ATP6V0D1: variants seen among roughly 807,000 people sequenced by gnomAD.
The protein encoded by ATP6V0D1 is V-type proton ATPase subunit d 1.
In ATP6V0D1, 13 loss-of-function variants were observed where a neutral mutation model predicts 39.0. The ratio of observed to expected loss-of-function variants is 0.33; its 90% CI spans 0.22 to 0.53. ATP6V0D1 has a LOEUF of 0.53. Ranked by LOEUF, ATP6V0D1 falls within the 20% of genes least tolerant of loss-of-function variation. The pLI is 0.94. For synonymous variants in ATP6V0D1, 191 were observed against 191.2 expected (o/e 1.00, Z 0.01); for missense variants, 272 against 470.9 (o/e 0.58, Z 3.91).
chr16:67,471,075 C>T (rs1174317861), intron 1 of ATP6V0D1, among the ~76,000 whole-genome samples: 2 of 152,086 alleles, frequency 1.3e-5, no homozygotes, highest in Admixed American at 1.3e-4. Context: ...TTATAATTGA[C>T]GTGTAACAAT....
chr16:67,475,258 C>T (rs1266604500), intron 1 of ATP6V0D1, among the ~76,000 whole-genome samples: 1 of 152,236 alleles, frequency 6.6e-6, no homozygotes, highest in African/African-American at 2.4e-5. Flanking sequence ...TGCTAAACGA[C>T]CTGCCACACC....
Position 67,480,945 on chromosome 16 carries a change from GC to G in ATP6V0D1, c.130+11del. On this transcript the variant is annotated intron_variant, in intron 1 of 7. Coordinates refer to ENST00000290949, the MANE Select transcript of ATP6V0D1 (RefSeq NM_004691.5). ...ACAGCCTCTATCCCCGCCTTTCGCG[GC>G]CCCGGCTCACCCTCTAGCGTCTCGC... 6.2e-7 allele frequency: 1 copy of G among 1,613,442 alleles called. No homozygotes were observed. The highest frequency in any genetic ancestry group is 8.5e-7 in the Non-Finnish European group (1 of 1,179,588).
intron 2 of ATP6V0D1, among the ~76,000 whole-genome samples, chr16:67,449,685 T>A (rs2041156319): frequency 6.6e-6 from 1 of 152,254 alleles, no homozygotes; most frequent in Admixed American, 6.5e-5. Flanking sequence ...CTCCCAATGC[T>A]GTGAAGCCAC....
At position 67,481,112 on chromosome 16, in the gene ATP6V0D1, G is replaced by T. The variant is rs747896210; in HGVS notation, c.-26C>A. The T allele has an allele frequency of 3.1e-6, 5 of 1,613,310 alleles. No homozygotes were observed. Among genetic ancestry groups the T allele is most frequent in the African/African-American group, 1.3e-5 (1 of 75,046 alleles). ...GGCTGCTGCGGGAGCGGCGGGACCG[G>T]AGAACCAGGACCGGCCGGCACGAAT... is the stretch of plus-strand genomic sequence containing the variant. On this transcript the variant is annotated 5_prime_UTR_variant, in exon 1 of 8. Transcript: ENST00000290949.
chr16:67,463,725 T>C (rs980024685), intron 1 of ATP6V0D1, among the ~76,000 whole-genome samples: 21 of 152,384 alleles, frequency 1.4e-4, no homozygotes, highest in African/African-American at 5.0e-4. Context: ...GCAGTAACTA[T>C]ACAAGCTGGT....
Position 67,438,552 on chromosome 16 carries a change from G to A in ATP6V0D1, c.1032C>T (p.Ile344=), listed in dbSNP as rs764261151. The part of the protein sequence containing the change: ...ECIAQRHRAK[I]DNYIPIF ...GCTAGAAGATAGGGATGTAGTTGTC[G>A]ATTTTGGCGCGGTGGCGCTGGGCGA... The change falls in exon 8 of 8, where the codon ATC becomes ATT. Residue 344 remains isoleucine, a synonymous_variant. Transcript: ENST00000290949. 5.6e-6 allele frequency: 9 copies of A among 1,614,228 alleles called. No individual in the cohort carries two copies. The highest frequency in any genetic ancestry group is 2.2e-5 in the East Asian group (1 of 44,884).
At chr16:67,452,409 T>C (rs907930617) in intron 2 of ATP6V0D1, 8 of 1,535,400 alleles carry the variant, frequency 5.2e-6, no homozygotes, top group East Asian at 2.4e-5. Flanking sequence ...AAGTGGATCC[T>C]GGGCAAGTGG....
intron 2 of ATP6V0D1, among the ~76,000 whole-genome samples, chr16:67,452,634 C>A (rs544005669): frequency 1.3e-5 from 2 of 152,226 alleles, no homozygotes; most frequent in African/African-American, 4.8e-5. Context: ...CTCTCCTAGA[C>A]GCTAGCCGCT....
intron 1 of ATP6V0D1, among the ~76,000 whole-genome samples, chr16:67,465,267 T>G (rs1438376592): frequency 6.6e-6 from 1 of 152,198 alleles, no homozygotes; most frequent in Non-Finnish European, 1.5e-5. Context: ...GGACCTGCAG[T>G]GCTTACATGG....
chr16:67,471,777 C>T (rs1182154501), intron 1 of ATP6V0D1, among the ~76,000 whole-genome samples: 1 of 151,594 alleles, frequency 6.6e-6, no homozygotes, highest in East Asian at 1.9e-4. Context: ...GCCCAAGCGA[C>T]CTTCCCACCT....
chr16:67,470,816 T>C (rs1403641438), intron 1 of ATP6V0D1, among the ~76,000 whole-genome samples: 2 of 151,788 alleles, frequency 1.3e-5, no homozygotes, highest in African/African-American at 4.8e-5. Flanking sequence ...CACCCAGTCA[T>C]TTATTAAGCC....
chr16:67,469,599 C>T (rs970629223), intron 1 of ATP6V0D1, among the ~76,000 whole-genome samples: 1 of 152,092 alleles, frequency 6.6e-6, no homozygotes, highest in Non-Finnish European at 1.5e-5. Flanking sequence ...TGGGGGTTCC[C>T]TAAGACTCAG....
At chr16:67,471,221 C>T (rs897685272) in intron 1 of ATP6V0D1, among the ~76,000 whole-genome samples, 3 of 152,196 alleles carry the variant, frequency 2.0e-5, no homozygotes, top group Non-Finnish European at 4.4e-5. Context: ...GAGTCTGGTT[C>T]TGTTGCCCAG....
intron 2 of ATP6V0D1, among the ~76,000 whole-genome samples, chr16:67,445,151 G>A (rs2041100218): frequency 6.6e-6 from 1 of 152,202 alleles, no homozygotes; most frequent in Non-Finnish European, 1.5e-5. Context: ...CAAAGGCCTG[G>A]AGGCACTCAC....
chr16:67,463,250 G>C (rs545777745), intron 1 of ATP6V0D1, among the ~76,000 whole-genome samples: 5 of 152,326 alleles, frequency 3.3e-5, no homozygotes, highest in Non-Finnish European at 5.9e-5. Context: ...CTGGACAGAG[G>C]CTGGGCGTGG....
intron 2 of ATP6V0D1, among the ~76,000 whole-genome samples, chr16:67,446,371 T>C (rs1166770949): frequency 6.6e-6 from 1 of 152,166 alleles, no homozygotes. Context: ...GCCAGGCAAC[T>C]GCCCTCTCTC....
chr16:67,453,398 G>T lies in ATP6V0D1; in HGVS notation c.302+146C>A, dbSNP rs2142313123. On this transcript the variant is annotated intron_variant, in intron 2 of 7. Transcript: ENST00000290949. This position sits in a 1 kb window ranked among gnomAD's most constrained non-coding sequence, Gnocchi z 4.1. ...GGAGGACTCTGAAGGTAGGGTCCTG[G>T]GACACCTGGCCTGACAGAGCTGCCA... is the stretch of plus-strand genomic sequence containing the variant. 1 of 947,910 alleles carries T rather than the reference G, an allele frequency of 1.1e-6. No individual in the cohort carries two copies. Among genetic ancestry groups the T allele is most frequent in the Non-Finnish European group, 1.6e-6 (1 of 627,568 alleles). 58.7% of individuals were successfully genotyped at this position (947,910 alleles called of 1,614,324 possible). A position where few individuals can be genotyped will look rare whatever the true frequency, so the allele number is the denominator to read the frequency against.
Position 67,438,698 on chromosome 16 carries a change from A to G in ATP6V0D1, c.895-9T>C, listed in dbSNP as rs1364930156. On this transcript the variant is annotated splice_polypyrimidine_tract_variant and intron_variant, in intron 7 of 7. Transcript: ENST00000290949. ...AACTTGTTCAGCTTTACCTGTGGAC[A>G]CGGGCAGATGTGGTGTCCAGGTGGC... 6.2e-7 allele frequency: 1 copy of G among 1,614,236 alleles called. No homozygotes were observed. The highest frequency in any genetic ancestry group is 8.5e-7 in the Non-Finnish European group (1 of 1,180,036).
At chr16:67,443,903 G>A (rs1418389889) in intron 3 of ATP6V0D1, among the ~76,000 whole-genome samples, 1 of 152,228 alleles carries the variant, frequency 6.6e-6, no homozygotes, top group African/African-American at 2.4e-5. Context: ...GCTTCTTAGA[G>A]GTGGTACCCC....
Sources: allele counts gnomAD v4.1 joint callset (sites outside exome capture counted in the v4.1 genomes callset), GRCh38; gene constraint gnomAD v4.1.1; non-coding constraint Gnocchi (gnomAD v3.1); transcripts MANE v1.5; gene names NCBI Gene and HGNC (gene_info 2026-07-23, HGNC 2026-07-21).